The following NOL4 variants were observed in gnomAD, a reference collection of about 807,000 sequenced individuals.
The protein encoded by NOL4 is nucleolar protein 4.
A neutral mutation model predicts 75.9 loss-of-function variants in NOL4; 17 were observed. The observed-to-expected ratio is 0.22, with a 90% confidence interval of 0.15 to 0.34. The LOEUF (loss-of-function observed/expected upper bound fraction) is 0.34, where lower values mean the gene tolerates loss of function less well. NOL4 is among the 10% of genes least tolerant of loss of function. The pLI is 1.00. For missense variants in NOL4, 614 were observed against 793.5 expected (o/e 0.77, Z 2.72); for synonymous variants, 292 against 289.9 (o/e 1.01, Z -0.07).
At chr18:34,164,792 G>T (rs1218640079) in intron 1 of NOL4, among the ~76,000 whole-genome samples, 1 of 151,358 alleles carries the variant, frequency 6.6e-6, no homozygotes, top group Non-Finnish European at 1.5e-5. Context: ...ACATGCACAC[G>T]TATGTTTATT....
At chr18:33,889,085 GT>G in intron 9 of NOL4, among the ~76,000 whole-genome samples, 1 of 152,076 alleles carries the variant, frequency 6.6e-6, no homozygotes, top group African/African-American at 2.4e-5. Flanking sequence ...CCAGCAGCTG[GT>G]TTTTTGAAAA....
chr18:33,881,137 G>A (rs1599725563), intron 10 of NOL4, among the ~76,000 whole-genome samples: 2 of 151,238 alleles, frequency 1.3e-5, no homozygotes, highest in East Asian at 1.9e-4. Flanking sequence ...ATTGTGAATG[G>A]GAGTTCACTC....
intron 5 of NOL4, among the ~76,000 whole-genome samples, chr18:34,038,749 G>A (rs902163998): frequency 6.6e-6 from 1 of 152,028 alleles, no homozygotes; most frequent in African/African-American, 2.4e-5. Context: ...GTTAGAATGA[G>A]TAGGGGAAAT....
In NOL4 at chr18:33,943,017, T is replaced by G. The variant is rs369835308; in HGVS notation, c.1542+48A>C. 85 of 1,212,136 alleles carry G rather than the reference T, an allele frequency of 7.0e-5. No homozygotes were observed. The African/African-American group carries it at 1.1e-3, about 16-fold the overall frequency. The allele number at this position is 1,212,136 out of a possible 1,614,324, so 75.1% of individuals were successfully genotyped here. On this transcript the variant is annotated intron_variant, in intron 9 of 10. Transcript: ENST00000261592. Reference sequence around the variant, plus strand: ...TCAACATAAATCAAATTAAATGAACTACATTTGCTATAGCTGGTGTTCACC... The same window carrying G: ...TCAACATAAATCAAATTAAATGAACGACATTTGCTATAGCTGGTGTTCACC...
At chr18:34,074,206 A>C (rs746350257) in intron 5 of NOL4, among the ~76,000 whole-genome samples, 31 of 151,490 alleles carry the variant, frequency 2.0e-4, no homozygotes, top group Non-Finnish European at 4.1e-4. Flanking sequence ...TGGATTTTTC[A>C]ATATTCATAT....
chr18:33,984,541 C>T (rs1205973825), intron 6 of NOL4, among the ~76,000 whole-genome samples: 2 of 151,998 alleles, frequency 1.3e-5, no homozygotes, highest in Admixed American at 6.6e-5. Flanking sequence ...CTATCATCAC[C>T]ATAGTGAGTT....
chr18:34,149,769 A>T (rs1477602816), intron 1 of NOL4, among the ~76,000 whole-genome samples: 1 of 151,630 alleles, frequency 6.6e-6, no homozygotes, highest in Non-Finnish European at 1.5e-5. Flanking sequence ...TCACTATATG[A>T]CACTCTACAC....
At chr18:33,989,285 G>A (rs1242758038) in intron 6 of NOL4, among the ~76,000 whole-genome samples, 1 of 150,714 alleles carries the variant, frequency 6.6e-6, no homozygotes, top group Non-Finnish European at 1.5e-5. Context: ...AAAGGGATAC[G>A]CTGCCATTCA....
At chr18:33,998,139 T>A (rs543273186) in intron 6 of NOL4, among the ~76,000 whole-genome samples, 2 of 151,916 alleles carry the variant, frequency 1.3e-5, no homozygotes, top group South Asian at 2.1e-4. Flanking sequence ...AGAAAGAGAG[T>A]CATAGTTAAG....
chr18:33,938,613 C>A (rs1189788229), intron 9 of NOL4, among the ~76,000 whole-genome samples: 1 of 151,956 alleles, frequency 6.6e-6, no homozygotes, highest in East Asian at 1.9e-4. Context: ...CCTTTGCCCA[C>A]TTTTTGATGA....
intron 9 of NOL4, among the ~76,000 whole-genome samples, chr18:33,927,942 A>G (rs1237146794): frequency 6.6e-6 from 1 of 152,078 alleles, no homozygotes; most frequent in Admixed American, 6.6e-5. Context: ...TATATTATCT[A>G]ACTCCATAAT....
intron 9 of NOL4, among the ~76,000 whole-genome samples, chr18:33,899,166 G>C (rs1465622288): frequency 6.6e-6 from 1 of 152,140 alleles, no homozygotes; most frequent in Non-Finnish European, 1.5e-5. Flanking sequence ...TTGAGAATTT[G>C]TGGGGGTATT....
intron 9 of NOL4, among the ~76,000 whole-genome samples, chr18:33,901,845 T>G (rs1052351954): frequency 6.6e-6 from 1 of 152,062 alleles, no homozygotes; most frequent in Admixed American, 6.6e-5. Context: ...ATTTAGGTGA[T>G]ATGGAGATTA....
intron 9 of NOL4, among the ~76,000 whole-genome samples, chr18:33,885,320 A>T (rs2064571599): frequency 6.6e-6 from 1 of 152,116 alleles, no homozygotes. Flanking sequence ...AAAATGGACA[A>T]ACAGGATCAC....
rs1491531804 is a variant in NOL4, at chr18:33,873,243, T to TACAAAG, written c.1723+10000_1723+10001insCTTTGT. 6.5e-3 allele frequency among the ~76,000 whole-genome samples: 985 copies of TACAAAG among 152,104 alleles called. 13 individuals are homozygous for TACAAAG. Among genetic ancestry groups the TACAAAG allele is most frequent in the African/African-American group, 0.022 (927 of 41,562 alleles). ...ATCTACAAAGTTTTACATAATAGAC[T>TACAAAG]TTATGTGTTTTTCACACAAAAGAAA... On this transcript the variant is annotated intron_variant, in intron 10 of 10. Coordinates refer to ENST00000261592, the MANE Select transcript of NOL4 (RefSeq NM_003787.5).
chr18:34,123,659 A>G (rs996341083), intron 2 of NOL4, among the ~76,000 whole-genome samples: 2 of 148,092 alleles, frequency 1.4e-5, no homozygotes, highest in African/African-American at 4.9e-5. Context: ...CTACATATGT[A>G]TATATAGATA....
At position 34,106,627 on chromosome 18, in the gene NOL4, A is replaced by G. The variant is rs1407895767; in HGVS notation, c.415-1467T>C. ...AAAATGATCAGAACAATTCTAAACTATTTTGTGAAAAATTTTATATTATTT... is the reference window on the plus strand; with the variant it reads ...AAAATGATCAGAACAATTCTAAACTGTTTTGTGAAAAATTTTATATTATTT... On this transcript the variant is annotated intron_variant, in intron 2 of 10. Transcript: ENST00000261592. Among the ~76,000 whole-genome samples, 3 of 151,744 alleles carry G rather than the reference A, an allele frequency of 2.0e-5. No homozygotes were observed. The East Asian group carries it at 5.8e-4, about 29-fold the overall frequency.
intron 5 of NOL4, among the ~76,000 whole-genome samples, chr18:34,049,047 C>A (rs1600393636): frequency 7.0e-6 from 1 of 143,476 alleles, no homozygotes; most frequent in Non-Finnish European, 1.5e-5. Context: ...ACCATTGTAT[C>A]AACTTGAAGG....
intron 2 of NOL4, among the ~76,000 whole-genome samples, chr18:34,125,410 G>T (rs1470438179): frequency 6.6e-6 from 1 of 152,120 alleles, no homozygotes; most frequent in Admixed American, 6.6e-5. Flanking sequence ...TTTGACTTTA[G>T]TGCTACTTTT....
Sources: gnomAD v4.1 joint callset for allele counts (sites outside exome capture counted in the v4.1 genomes callset) on GRCh38, gnomAD v4.1.1 for gene constraint, MANE v1.5 for transcripts, NCBI Gene and HGNC (gene_info 2026-07-23, HGNC 2026-07-21) for gene names.